Variants in PPM1L observed in about 807,000 individuals in gnomAD.
The protein encoded by PPM1L is protein phosphatase 1L.
PPM1L carries 13 observed loss-of-function variants against 31.4 expected under a neutral mutation model. That is an observed-to-expected ratio of 0.41 (90% CI 0.27 to 0.66). PPM1L has a LOEUF of 0.66. Ranked by LOEUF, PPM1L falls within the 30% of genes least tolerant of loss-of-function variation. The probability of loss-of-function intolerance (pLI) is 0.29; values close to 1 mark genes in which losing one functional copy is unlikely to be tolerated. For synonymous variants in PPM1L, 184 were observed against 175.4 expected (o/e 1.05, Z -0.39); for missense variants, 326 against 453.7 (o/e 0.72, Z 2.56).
At chr3:161,058,117 C>CTTTTTTTTT (rs1719465240) in intron 2 of PPM1L, among the ~76,000 whole-genome samples, 9 of 29,340 alleles carry the variant, frequency 3.1e-4, no homozygotes, top group Middle Eastern at 0.02. Context: ...CATTTTCTTT[C>CTTTTTTTTT]CTTTTTTTTT....
chr3:160,960,487 G>A (rs1715921930), intron 1 of PPM1L, among the ~76,000 whole-genome samples: 1 of 151,624 alleles, frequency 6.6e-6, no homozygotes, highest in East Asian at 1.9e-4. Context: ...ATGTGTCTTT[G>A]CCTTATTCTA....
At chr3:161,023,915 T>C (rs1325317486) in intron 2 of PPM1L, among the ~76,000 whole-genome samples, 3 of 152,200 alleles carry the variant, frequency 2.0e-5, no homozygotes, top group East Asian at 3.8e-4. Flanking sequence ...GTCTTACACA[T>C]GTATCCCAGG....
At chr3:160,850,885 G>T (rs6766039) in intron 1 of PPM1L, among the ~76,000 whole-genome samples, 3,672 of 59,940 alleles carry the variant, frequency 0.061, 155 homozygotes, top group African/African-American at 0.14. Flanking sequence ...TTTTTTTGGT[G>T]GGGGGGGGGT....
At chr3:160,948,357 T>C (rs1257526696) in intron 1 of PPM1L, among the ~76,000 whole-genome samples, 1 of 152,212 alleles carries the variant, frequency 6.6e-6, no homozygotes. Flanking sequence ...AAACCTTGTT[T>C]GCATAGTTAT....
chr3:160,945,013 T>TATATTATATATAACTATATAAC lies in PPM1L; in HGVS notation c.400-16719_400-16718insTATATATAACTATATAACATAT, dbSNP rs1715342575. ...AACATATATATAACTATATATAACA[T>TATATTATATATAACTATATAAC]ATATATTATATATAACTATATATAA... On this transcript the variant is annotated intron_variant, in intron 1 of 3. Transcript: ENST00000498165. Among the ~76,000 whole-genome samples the TATATTATATATAACTATATAAC allele has an allele frequency of 2.9e-4, 2 of 6,888 alleles. 1 individual carries two copies. The highest frequency in any genetic ancestry group is 7.1e-4 in the African/African-American group (2 of 2,816). The allele number at this position is 6,888 out of a possible 152,430, so 4.5% of individuals were successfully genotyped here.
intron 1 of PPM1L, among the ~76,000 whole-genome samples, chr3:160,859,868 T>C (rs1309793031): frequency 6.6e-6 from 1 of 152,162 alleles, no homozygotes; most frequent in Non-Finnish European, 1.5e-5. Flanking sequence ...TGATGTCAAA[T>C]AAGAACTTGG....
chr3:160,998,088 T>C (rs930883179), intron 2 of PPM1L, among the ~76,000 whole-genome samples: 1 of 152,154 alleles, frequency 6.6e-6, no homozygotes, highest in African/African-American at 2.4e-5. Context: ...GTAATTACTT[T>C]ATATATATAA....
intron 1 of PPM1L, among the ~76,000 whole-genome samples, chr3:160,892,571 A>G (rs1293767149): frequency 6.6e-6 from 1 of 152,210 alleles, no homozygotes; most frequent in Non-Finnish European, 1.5e-5. Context: ...TTTGATATGA[A>G]TAATTTAAAC....
chr3:160,895,769 A>C (rs1254176971), intron 1 of PPM1L, among the ~76,000 whole-genome samples: 2 of 152,204 alleles, frequency 1.3e-5, no homozygotes, highest in African/African-American at 2.4e-5. Flanking sequence ...ATGATGGAGA[A>C]AATGTTTTAT....
chr3:160,940,918 C>T (rs1715143532), intron 1 of PPM1L, among the ~76,000 whole-genome samples: 1 of 152,176 alleles, frequency 6.6e-6, no homozygotes, highest in African/African-American at 2.4e-5. Flanking sequence ...CACTCAACAC[C>T]AGCTCATGAC....
intron 1 of PPM1L, among the ~76,000 whole-genome samples, chr3:160,826,751 G>A (rs532921216): frequency 6.6e-6 from 1 of 152,170 alleles, no homozygotes; most frequent in African/African-American, 2.4e-5. Flanking sequence ...CAAATTTATT[G>A]GATAGTGGCA....
chr3:160,922,032 T>A (rs748821296), intron 1 of PPM1L, among the ~76,000 whole-genome samples: 1 of 152,112 alleles, frequency 6.6e-6, no homozygotes, highest in Non-Finnish European at 1.5e-5. Flanking sequence ...TGCTGACGGC[T>A]GGGCACGGTG....
intron 1 of PPM1L, among the ~76,000 whole-genome samples, chr3:160,953,075 G>T (rs1162591881): frequency 6.6e-6 from 1 of 152,144 alleles, no homozygotes; most frequent in East Asian, 1.9e-4. Context: ...TTCTTCTTAA[G>T]ATGCATGTCT....
At chr3:160,968,387 A>T (rs1002220818) in intron 2 of PPM1L, among the ~76,000 whole-genome samples, 4 of 152,208 alleles carry the variant, frequency 2.6e-5, no homozygotes, top group Non-Finnish European at 5.9e-5. Context: ...CAATGGCATA[A>T]TTTGAGATGA....
chr3:160,900,405 C>T (rs117955768), intron 1 of PPM1L, among the ~76,000 whole-genome samples: 3,584 of 152,088 alleles, frequency 0.024, 78 homozygotes, highest in Middle Eastern at 0.034. Flanking sequence ...TGCTTTAAAA[C>T]TATATTTTCT....
At chr3:160,872,942 A>G (rs1286568684) in intron 1 of PPM1L, among the ~76,000 whole-genome samples, 1 of 152,146 alleles carries the variant, frequency 6.6e-6, no homozygotes, top group African/African-American at 2.4e-5. Context: ...AAAAAGAAAA[A>G]AAGATATTAG....
intron 1 of PPM1L, among the ~76,000 whole-genome samples, chr3:160,814,055 A>G (rs974821185): frequency 6.6e-6 from 1 of 152,252 alleles, no homozygotes; most frequent in Non-Finnish European, 1.5e-5. Flanking sequence ...AAAAACTGCA[A>G]CTGACGGGAT....
At chr3:161,051,836 A>G (rs1234832859) in intron 2 of PPM1L, among the ~76,000 whole-genome samples, 1 of 152,182 alleles carries the variant, frequency 6.6e-6, no homozygotes. Context: ...GAACCTGCCA[A>G]TGGCATGCTT....
At chr3:160,983,815 G>A (rs973370476) in intron 2 of PPM1L, among the ~76,000 whole-genome samples, 4 of 152,208 alleles carry the variant, frequency 2.6e-5, no homozygotes, top group Admixed American at 6.5e-5. Context: ...CTGGGTGTCC[G>A]GGGGAGACAT....
Sources: gnomAD v4.1 joint callset for allele counts (sites outside exome capture counted in the v4.1 genomes callset) on GRCh38, gnomAD v4.1.1 for gene constraint, MANE v1.5 for transcripts, NCBI Gene and HGNC (gene_info 2026-07-23, HGNC 2026-07-21) for gene names.